BBS1: variants seen among roughly 807,000 people sequenced by gnomAD.
BBS1 encodes the protein BBSome complex member BBS1.
Under a neutral mutation model 73.9 loss-of-function variants are expected in BBS1, and 60 were observed. That is an observed-to-expected ratio of 0.81 (90% CI 0.66 to 1.01). BBS1 has a LOEUF of 1.01. Ranked by LOEUF, BBS1 falls within the 50% of genes least tolerant of loss-of-function variation. BBS1 has a pLI of 0.00. For missense variants in BBS1, 718 were observed against 770.3 expected, an observed-to-expected ratio of 0.93 and a Z score of 0.80; for synonymous variants, 283 against 317.4, an observed-to-expected ratio of 0.89 and a Z score of 1.15.
intron 15 of BBS1, 50 bp downstream of exon 15, chr11:66,531,078 G>A (rs375407093): frequency 6.2e-7 from 1 of 1,610,502 alleles, no homozygotes; most frequent in Non-Finnish European, 8.5e-7. Context: ...CCAGGGCAGG[G>A]GCCTGATGAG....
chr11:66,523,834 G>T lies in BBS1; in HGVS notation c.1062G>T (p.Glu354Asp), dbSNP rs773617456. The T allele has an allele frequency of 6.2e-7, 1 of 1,613,716 alleles. No individual in the cohort carries two copies. The highest frequency in any genetic ancestry group is 2.2e-5 in the East Asian group (1 of 44,878). ...TCATGGCTGGGCTGGCCAATGGAGAGGTCCGCATTTATCGTGACAAGGCCC... is the reference window on the plus strand; with the variant it reads ...TCATGGCTGGGCTGGCCAATGGAGATGTCCGCATTTATCGTGACAAGGCCC... Reference protein sequence around the residue: ...QAVMAGLANGEVRIYRDKALL... With the variant: ...QAVMAGLANGDVRIYRDKALL... Residue 354 changes from glutamate to aspartate, a missense_variant, in exon 11 of 17, where the codon GAG (glutamate) becomes GAT (aspartate). Physicochemically the swap from Glu to Asp is conservative, Grantham distance 45 (BLOSUM62 2). Coordinates refer to ENST00000318312, the MANE Select transcript of BBS1 (RefSeq NM_024649.5).
intron 7 of BBS1, among the ~76,000 whole-genome samples, chr11:66,518,416 C>T (rs1030110172): frequency 1.1e-4 from 17 of 151,854 alleles, no homozygotes; most frequent in Non-Finnish European, 2.9e-5. Flanking sequence ...CGCCATCATG[C>T]CTGGGCTAAT....
At chr11:66,515,791 G>T in intron 6 of BBS1, 60 bp downstream of exon 6, 2 of 1,614,052 alleles carry the variant, frequency 1.2e-6, no homozygotes, top group South Asian at 2.2e-5. Flanking sequence ...GCAGCCGCCA[G>T]AATGTGCCAG....
In BBS1 at chr11:66,519,613, G is replaced by A. The variant is rs1856138207; in HGVS notation, c.592-4G>A. On this transcript the variant is annotated splice_region_variant and splice_polypyrimidine_tract_variant and intron_variant, in intron 7 of 16. Transcript: ENST00000318312. ...CCTGGGTGACCCCTGGAGTCCTTCTGTAGACAGTCATCACCACCATGACCA... is the reference window on the plus strand; with the variant it reads ...CCTGGGTGACCCCTGGAGTCCTTCTATAGACAGTCATCACCACCATGACCA... 1.2e-6 allele frequency: 2 copies of A among 1,613,636 alleles called. No individual in the cohort carries two copies. Among genetic ancestry groups the A allele is most frequent in the Non-Finnish European group, 1.7e-6 (2 of 1,179,876 alleles).
intron 11 of BBS1, among the ~76,000 whole-genome samples, chr11:66,524,484 G>T (rs1334873619): frequency 1.3e-5 from 2 of 151,954 alleles, no homozygotes; most frequent in Non-Finnish European, 2.9e-5. Flanking sequence ...TGACAAGGGT[G>T]GGGGGTGAGA....
At chr11:66,531,617 C>G (rs755080922) in intron 15 of BBS1, 39 bp from the exon 16 acceptor site, 6 of 1,613,766 alleles carry the variant, frequency 3.7e-6, no homozygotes, top group Admixed American at 3.3e-5. Flanking sequence ...AACACTGGCA[C>G]GAGGGCTGGT....
In BBS1 at chr11:66,529,304, G is replaced by A. The variant is rs781463154; in HGVS notation, c.1340-515G>A. 5 of 1,536,106 alleles carry A rather than the reference G, an allele frequency of 3.3e-6. No individual in the cohort carries two copies. In the South Asian group the frequency reaches 6.0e-5, roughly 18 times the overall value. Reference sequence around the variant, plus strand: ...TGATGGACAGGGAGGCAGTGACGGAGGCAGGACCATGAGGCTGGTTTCCGC... The same window carrying A: ...TGATGGACAGGGAGGCAGTGACGGAAGCAGGACCATGAGGCTGGTTTCCGC... On this transcript the variant is annotated intron_variant, in intron 13 of 16. Transcript: ENST00000318312.
In BBS1 at chr11:66,523,555, C is replaced by A. The variant is rs901307899; in HGVS notation, c.930C>A (p.Ser310Arg). Residue 310 changes from serine to arginine, a missense_variant, in exon 10 of 17, where the codon AGC becomes AGA. Coordinates refer to ENST00000318312, the MANE Select transcript of BBS1 (RefSeq NM_024649.5). ...TAGTGGTGGGCAGCACCCAAGACAG[C>A]CTGCATGGCTTCACCCACAAGGTGC... ...KVLVVGSTQD[S>R]LHGFTHKGKK... The A allele has an allele frequency of 1.9e-6, 3 of 1,614,032 alleles. No homozygotes were observed. In the African/African-American group the frequency reaches 4.0e-5, roughly 22 times the overall value.
chr11:66,531,543 C>A, intron 15 of BBS1, 113 bp from the exon 16 acceptor site: 1 of 1,392,326 alleles, frequency 7.2e-7, no homozygotes, highest in Non-Finnish European at 1.0e-6. Flanking sequence ...AGTTGTCCTG[C>A]CCACCCTGCA....
At chr11:66,525,199 C>CAAA (rs1202954773) in intron 11 of BBS1, among the ~76,000 whole-genome samples, 19 of 83,446 alleles carry the variant, frequency 2.3e-4, no homozygotes, top group African/African-American at 8.5e-4. Context: ...GACTCCATCT[C>CAAA]AAAAAAAAAA....
At chr11:66,526,314 C>A in intron 12 of BBS1, 122 bp downstream of exon 12, 1 of 998,010 alleles carries the variant, frequency 1.0e-6, no homozygotes. Context: ...AAAGTAAGGC[C>A]TACAGAAGTG....
intron 8 of BBS1, 88 bp from the exon 9 acceptor site, chr11:66,521,177 TTAGAC>T: frequency 1.0e-6 from 1 of 955,208 alleles, no homozygotes; most frequent in Non-Finnish European, 1.7e-6. Flanking sequence ...GATTGGGACT[TTAGAC>T]CAGGCACTCA....
Position 66,511,253 on chromosome 11 carries a change from C to A in BBS1, c.159+14C>A, listed in dbSNP as rs758468091. On this transcript the variant is annotated intron_variant, in intron 3 of 16. Coordinates refer to ENST00000318312, the MANE Select transcript of BBS1 (RefSeq NM_024649.5). ...GGGGAATACAAGGTAAGCATATCAC[C>A]CTAGCCAGGAGAGTTGAGGGTAGGG... The A allele has an allele frequency of 1.2e-6, 2 of 1,614,100 alleles. No individual in the cohort carries two copies. Among genetic ancestry groups the A allele is most frequent in the South Asian group, 2.2e-5 (2 of 91,078 alleles).
At chr11:66,525,926 G>A (rs1856469010) in intron 11 of BBS1, among the ~76,000 whole-genome samples, 197 bp from the exon 12 acceptor site, 1 of 152,344 alleles carries the variant, frequency 6.6e-6, no homozygotes, top group African/African-American at 2.4e-5. Flanking sequence ...GTGAGGGCCA[G>A]TGATATTTGG....
rs774638549 is a variant in BBS1, at chr11:66,526,111, G to A, written c.1111-12G>A. ...GATATTTCCCCAACTAAACTCTGAC[G>A]TCTCCACATAGGATGCAGTGACCAG... On this transcript the variant is annotated splice_polypyrimidine_tract_variant and intron_variant, in intron 11 of 16. Coordinates refer to ENST00000318312, the MANE Select transcript of BBS1 (RefSeq NM_024649.5). 36 of 1,613,900 alleles carry A rather than the reference G, an allele frequency of 2.2e-5. No homozygotes were observed. The highest frequency in any genetic ancestry group is 1.6e-4 in the Middle Eastern group (1 of 6,084).
chr11:66,524,169 A>T (rs1343024765), intron 11 of BBS1: 1 of 419,038 alleles, frequency 2.4e-6, no homozygotes, highest in Non-Finnish European at 4.5e-6. Flanking sequence ...AATCCCAGCT[A>T]CTCAGGAGGT....
At chr11:66,529,300 C>G (rs1025186537) in intron 13 of BBS1, 2 of 1,535,426 alleles carry the variant, frequency 1.3e-6, no homozygotes, top group African/African-American at 1.4e-5. Flanking sequence ...GAGGCAGTGA[C>G]GGAGGCAGGA....
intron 2 of BBS1, 48 bp downstream of exon 2, chr11:66,511,137 C>A: frequency 7.4e-6 from 12 of 1,613,750 alleles, no homozygotes; most frequent in Non-Finnish European, 1.0e-5. Flanking sequence ...GATGGGGAGT[C>A]AGACAATGGT....
At chr11:66,511,462 T>G (rs1405298493) in intron 3 of BBS1, among the ~76,000 whole-genome samples, 1 of 152,182 alleles carries the variant, frequency 6.6e-6, no homozygotes, top group Non-Finnish European at 1.5e-5. Context: ...TTTCTGGGGA[T>G]TCTACTAAGA....
Sources: allele counts gnomAD v4.1 joint callset (sites outside exome capture counted in the v4.1 genomes callset), GRCh38; gene constraint gnomAD v4.1.1; transcripts MANE v1.5; gene names NCBI Gene and HGNC (gene_info 2026-07-23, HGNC 2026-07-21).